SFI1: variants seen among roughly 807,000 people sequenced by gnomAD.
The protein encoded by SFI1 is SFI1 centrin binding protein, also known as protein SFI1 homolog.
SFI1 carries 195 observed loss-of-function variants against 207.5 expected under a neutral mutation model. The observed-to-expected ratio is 0.94, with a 90% CI of 0.84 to 1.06. The LOEUF (loss-of-function observed/expected upper bound fraction) is 1.06, where lower values mean the gene tolerates loss of function less well. Among genes scored for constraint, SFI1 ranks in the 50% least tolerant of loss-of-function variants. The pLI, the probability that SFI1 is intolerant of heterozygous loss-of-function variation, is 0.00. For missense variants in SFI1, 1,634 were observed against 1,588.0 expected (o/e 1.03, Z -0.49); for synonymous variants, 630 against 598.9 (o/e 1.05, Z -0.76).
chr22:31,578,180 A>G, intron 10 of SFI1: 1 of 383,940 alleles, frequency 2.6e-6, no homozygotes, highest in Non-Finnish European at 4.6e-6. Context: ...GGAATGCAAG[A>G]CCAGATGTTT....
chr22:31,598,716 C>G, intron 15 of SFI1, among the ~76,000 whole-genome samples: 1 of 26,882 alleles, frequency 3.7e-5, no homozygotes, highest in Non-Finnish European at 6.8e-5. Flanking sequence ...TGCGCCTGGC[C>G]TTTTTTTTTT....
At chr22:31,499,018 CT>C (rs1383016666) in intron 1 of SFI1, among the ~76,000 whole-genome samples, 1 of 151,310 alleles carries the variant, frequency 6.6e-6, no homozygotes, top group Non-Finnish European at 1.5e-5. Context: ...TTTGTTTTTA[CT>C]TTTGTTTTCA....
intron 1 of SFI1, among the ~76,000 whole-genome samples, chr22:31,500,385 A>G (rs1030491228): frequency 6.6e-6 from 1 of 152,144 alleles, no homozygotes; most frequent in Non-Finnish European, 1.5e-5. Flanking sequence ...AAGACCCTCT[A>G]CTGGCAAAAA....
At chr22:31,575,135 T>G in intron 9 of SFI1, 96 bp from the exon 10 acceptor site, 4 of 878,992 alleles carry the variant, frequency 4.6e-6, no homozygotes, top group Non-Finnish European at 5.0e-6. Flanking sequence ...CTTGAACCCC[T>G]GCTCTCTGCC....
intron 9 of SFI1, 138 bp from the exon 10 acceptor site, chr22:31,575,093 T>G: frequency 1.0e-5 from 2 of 192,086 alleles, no homozygotes; most frequent in Non-Finnish European, 8.2e-6. Context: ...TGCGTGTGTG[T>G]GTGTGTGTGT....
intron 2 of SFI1, among the ~76,000 whole-genome samples, chr22:31,525,851 T>G (rs1602142225): frequency 6.6e-6 from 1 of 152,328 alleles, no homozygotes; most frequent in East Asian, 1.9e-4. Flanking sequence ...GCTGTTTTGG[T>G]TACTACAGCT....
chr22:31,546,770 C>A, intron 4 of SFI1, 91 bp from the exon 5 acceptor site: 1 of 871,038 alleles, frequency 1.1e-6, no homozygotes, highest in South Asian at 1.9e-5. Context: ...CCCGGCTGTA[C>A]TTTTTCATGA....
chr22:31,554,340 G>A (rs551301682), intron 6 of SFI1, among the ~76,000 whole-genome samples: 17 of 151,126 alleles, frequency 1.1e-4, no homozygotes, highest in Admixed American at 3.3e-4. Context: ...ATGGAGTCTC[G>A]CTCTATTGCC....
chr22:31,536,084 C>T (rs907614725), intron 4 of SFI1, among the ~76,000 whole-genome samples: 1 of 151,976 alleles, frequency 6.6e-6, no homozygotes, highest in Non-Finnish European at 1.5e-5. Flanking sequence ...TCTTTTGACC[C>T]TCTCCTGCTC....
At chr22:31,608,697 T>G (rs1355717012) in intron 22 of SFI1, among the ~76,000 whole-genome samples, 3 of 151,962 alleles carry the variant, frequency 2.0e-5, no homozygotes, top group Non-Finnish European at 4.4e-5. Flanking sequence ...GGGAGGGGGT[T>G]GTTTTGATGG....
intron 2 of SFI1, among the ~76,000 whole-genome samples, chr22:31,514,140 C>CAA (rs113946302): frequency 3.9e-4 from 32 of 82,448 alleles, no homozygotes; most frequent in African/African-American, 8.4e-4. Flanking sequence ...AACTCCATCT[C>CAA]AAAAAAAAAA....
chr22:31,550,637 T>C (rs962533539), intron 6 of SFI1: 8 of 314,788 alleles, frequency 2.5e-5, no homozygotes, highest in Non-Finnish European at 4.8e-5. Flanking sequence ...TGGCTGTGAC[T>C]CTCCTGTGGC....
chr22:31,518,228 A>G (rs539125550), intron 2 of SFI1, among the ~76,000 whole-genome samples: 1 of 152,124 alleles, frequency 6.6e-6, no homozygotes, highest in East Asian at 1.9e-4. Flanking sequence ...GTCCTCAGTC[A>G]AGGTGATCTG....
At position 31,588,446 on chromosome 22, in the gene SFI1, G is replaced by T. The variant is rs533291468; in HGVS notation, c.1414-1001G>T. 1.2e-4 allele frequency among the ~76,000 whole-genome samples: 18 copies of T among 152,328 alleles called. No individual in the cohort carries two copies. The East Asian group carries it at 3.5e-3, about 29-fold the overall frequency. On this transcript the variant is annotated intron_variant, in intron 14 of 32. Transcript: ENST00000400288. ...GTCAGAGCAGTCACTATCCCAGCCA[G>T]ATTCAAGGGGAGGGAACATAGATCA...
intron 8 of SFI1, among the ~76,000 whole-genome samples, chr22:31,561,961 C>G (rs1452119220): frequency 1.3e-5 from 2 of 151,706 alleles, no homozygotes; most frequent in East Asian, 3.9e-4. Flanking sequence ...GGAAATAGAA[C>G]AGAGAAGAGG....
Position 31,616,850 on chromosome 22 carries a change from A to C in SFI1, c.3406A>C (p.Arg1136=). Residue 1136 remains arginine (R), a synonymous_variant, in exon 30 of 33, where the codon AGG becomes CGG. Coordinates refer to ENST00000400288, the MANE Select transcript of SFI1 (RefSeq NM_001007467.3). The stretch of plus-strand genomic sequence containing the variant: ...CCTTCCTGGGGACTTCTCAGCCACC[A>C]GGGCTGGGCCTGGACTTTCAACTGC... ...LLLPGDFSAT[R]AGPGLSTAGS... is the part of the protein sequence containing the mutation. The C allele has an allele frequency of 2.5e-6, 4 of 1,612,764 alleles. No homozygotes were observed. The highest frequency in any genetic ancestry group is 2.2e-5 in the South Asian group (2 of 90,866).
At chr22:31,514,233 C>T (rs1309874511) in intron 2 of SFI1, among the ~76,000 whole-genome samples, 2 of 151,104 alleles carry the variant, frequency 1.3e-5, no homozygotes, top group Non-Finnish European at 2.9e-5. Flanking sequence ...TGGCCGGGTG[C>T]GGTGGCTCAT....
chr22:31,514,191 A>G lies in SFI1; in HGVS notation c.92+5815A>G, dbSNP rs577033202. Among the ~76,000 whole-genome samples the G allele has an allele frequency of 1.1e-3, 162 of 150,232 alleles. No homozygotes were observed. In the Middle Eastern group the frequency reaches 0.014, roughly 13 times the overall value. On this transcript the variant is annotated intron_variant, in intron 2 of 32. Transcript: ENST00000400288. ...TAGTACTGAATTGTTAGCTATAGTC[A>G]CCATGCTGTTCAATAGATATTAAAA...
At chr22:31,533,937 C>G (rs958269512) in intron 4 of SFI1, among the ~76,000 whole-genome samples, 10 of 152,100 alleles carry the variant, frequency 6.6e-5, no homozygotes, top group African/African-American at 2.4e-4. Flanking sequence ...AGATAAGTTA[C>G]AAATGTGAAT....
Sources: gnomAD v4.1 joint callset for allele counts (sites outside exome capture counted in the v4.1 genomes callset) on GRCh38, gnomAD v4.1.1 for gene constraint, MANE v1.5 for transcripts, NCBI Gene and HGNC (gene_info 2026-07-23, HGNC 2026-07-21) for gene names.